FABP3: variants seen among roughly 807,000 people sequenced by gnomAD.
FABP3 encodes fatty acid-binding protein, heart.
FABP3 carries 8 observed loss-of-function variants against 13.4 expected under a neutral mutation model. That is an observed-to-expected ratio of 0.60 (90% confidence interval 0.35 to 1.07). The LOEUF (loss-of-function observed/expected upper bound fraction) is 1.07, where lower values mean the gene tolerates loss of function less well. Among genes scored for constraint, FABP3 ranks in the 50% least tolerant of loss-of-function variants. FABP3 has a pLI of 0.02. For synonymous variants in FABP3, 64 were observed against 60.0 expected (o/e 1.07, Z -0.31); for missense variants, 135 against 164.7 (o/e 0.82, Z 0.99).
chr1:31,365,161 T>C (rs781738500), downstream of FABP3, among the ~76,000 whole-genome samples: 1 of 151,736 alleles, frequency 6.6e-6, no homozygotes, highest in Non-Finnish European at 1.5e-5. Flanking sequence ...TCCCTCAGAG[T>C]TGATTAGAGA....
At chr1:31,372,633 C>T (rs1377200132) in intron 1 of FABP3, among the ~76,000 whole-genome samples, 1 of 152,164 alleles carries the variant, frequency 6.6e-6, no homozygotes, top group Non-Finnish European at 1.5e-5. Context: ...TGGCTACACT[C>T]CCTTTCCTGT....
chr1:31,362,746 C>T (rs59028483), downstream of FABP3, among the ~76,000 whole-genome samples: 879 of 152,230 alleles, frequency 5.8e-3, 69 homozygotes, highest in East Asian at 0.14. Flanking sequence ...TATTCTTTGA[C>T]CTTGGATATG....
chr1:31,365,230 G>A (rs1012193282), downstream of FABP3, among the ~76,000 whole-genome samples: 1 of 152,186 alleles, frequency 6.6e-6, no homozygotes, highest in Non-Finnish European at 1.5e-5. Flanking sequence ...CAGTCCTCTT[G>A]GCCAGTGGTC....
At chr1:31,362,630 C>T (rs1005931404), downstream of FABP3, among the ~76,000 whole-genome samples, 1 of 152,112 alleles carries the variant, frequency 6.6e-6, no homozygotes, top group Non-Finnish European at 1.5e-5. Flanking sequence ...GATGAATATT[C>T]AAGGGTAGCA....
Position 31,369,525 on chromosome 1 carries a change from T to C in FABP3, c.106A>G (p.Met36Val). Reference protein sequence around the residue: ...VGFATRQVASMTKPTTIIEKN... With the variant: ...VGFATRQVASVTKPTTIIEKN... Reference sequence around the variant, plus strand: ...TCGATGATTGTGGTAGGCTTGGTCATGCTGGCCACCTGCCTGGTAGCAAAA... The same window carrying C: ...TCGATGATTGTGGTAGGCTTGGTCACGCTGGCCACCTGCCTGGTAGCAAAA... Residue 36 changes from methionine to valine, a missense_variant, in exon 2 of 4, where the codon ATG becomes GTG. Coordinates refer to ENST00000373713, the MANE Select transcript of FABP3 (RefSeq NM_004102.5). The C allele has an allele frequency of 6.2e-7, 1 of 1,614,174 alleles. No individual in the cohort carries two copies. Among genetic ancestry groups the C allele is most frequent in the Non-Finnish European group, 8.5e-7 (1 of 1,180,030 alleles).
At chr1:31,361,849 T>C (rs150482869), downstream of FABP3, among the ~76,000 whole-genome samples, 45 of 152,194 alleles carry the variant, frequency 3.0e-4, no homozygotes, top group African/African-American at 1.1e-3. Context: ...TCTTGCTCAG[T>C]TGCCCAGCCT....
At position 31,365,794 on chromosome 1, in the gene FABP3, G is replaced by C. The variant is rs1640095925; in HGVS notation, c.*92C>G. 4 of 1,194,440 alleles carry C rather than the reference G, an allele frequency of 3.3e-6. No individual in the cohort carries two copies. The highest frequency in any genetic ancestry group is 4.9e-6 in the Non-Finnish European group (4 of 810,452). The allele number at this position is 1,194,440 out of a possible 1,614,324, so 74.0% of individuals were successfully genotyped here. On this transcript the variant is annotated 3_prime_UTR_variant, in exon 4 of 4. Transcript: ENST00000373713. Reference sequence around the variant, plus strand: ...TGACCCCAGAAGAATTCGTGGATTTGTACAAAATGCAGAGGAAGAAATGAG... The same window carrying C: ...TGACCCCAGAAGAATTCGTGGATTTCTACAAAATGCAGAGGAAGAAATGAG...
chr1:31,367,361 A>G, intron 3 of FABP3, 32 bp downstream of exon 3: 1 of 1,555,242 alleles, frequency 6.4e-7, no homozygotes, highest in Non-Finnish European at 8.9e-7. Context: ...GTAATAACCA[A>G]TCAGATATAG....
downstream of FABP3, chr1:31,364,294 C>A: frequency 6.9e-7 from 1 of 1,454,086 alleles, no homozygotes; most frequent in East Asian, 2.5e-5. Context: ...GCCTCCCACC[C>A]CATTAACTTC....
rs1397102771 is a variant in FABP3, at chr1:31,372,999, G to T, written c.16C>A (p.Leu6Met). 6.2e-7 allele frequency: 1 copy of T among 1,614,064 alleles called. No homozygotes were observed. Among genetic ancestry groups the T allele is most frequent in the Admixed American group, 1.7e-5 (1 of 60,034 alleles). MVDAFLGTWKLVDSKN... is the reference protein window; with the variant it reads MVDAFMGTWKLVDSKN... Reference sequence around the variant, plus strand: ...CTGTCCACTAGCTTCCAGGTGCCCAGGAAAGCGTCCACCATAGTGATGCTG... The same window carrying T: ...CTGTCCACTAGCTTCCAGGTGCCCATGAAAGCGTCCACCATAGTGATGCTG... Residue 6 changes from leucine (L) to methionine (M), a missense_variant, in exon 1 of 4, where the codon CTG becomes ATG. By Grantham distance (15) the Leu-to-Met change is conservative. Coordinates refer to ENST00000373713, the MANE Select transcript of FABP3 (RefSeq NM_004102.5).
At position 31,372,998 on chromosome 1, in the gene FABP3, A is replaced by G. The variant is rs751292345; in HGVS notation, c.17T>C (p.Leu6Pro). 61 of 1,614,084 alleles carry G rather than the reference A, an allele frequency of 3.8e-5. No individual in the cohort carries two copies. The highest frequency in any genetic ancestry group is 5.0e-5 in the Non-Finnish European group (59 of 1,180,036). The change falls in exon 1 of 4, where the codon CTG becomes CCG. Residue 6 changes from leucine to proline, a missense_variant. Transcript: ENST00000373713. ...GCTGTCCACTAGCTTCCAGGTGCCC[A>G]GGAAAGCGTCCACCATAGTGATGCT... Reference protein sequence around the residue: MVDAFLGTWKLVDSKN... With the variant: MVDAFPGTWKLVDSKN...
At chr1:31,366,062 ATGTGTGTGTGTGTGTG>A (rs3049341) in intron 3 of FABP3, 123 bp from the exon 4 acceptor site, 14 of 575,808 alleles carry the variant, frequency 2.4e-5, no homozygotes, top group Middle Eastern at 4.6e-4. Context: ...ATATGTATGT[ATGTGTGTGTGTGTGTG>A]TGTGTGTGTG....
At chr1:31,369,254 A>G in intron 2 of FABP3, 131 bp downstream of exon 2, 1 of 965,426 alleles carries the variant, frequency 1.0e-6, no homozygotes, top group Non-Finnish European at 1.6e-6. Flanking sequence ...GGCTTTATGA[A>G]TCTTGTTTCA....
chr1:31,360,248 A>G, the FABP3 span, among the ~76,000 whole-genome samples: 7 of 141,192 alleles, frequency 5.0e-5, no homozygotes, highest in African/African-American at 1.9e-4. Context: ...TGGCTCACCA[A>G]AACCTCCGCC....
chr1:31,370,643 A>C (rs1318028368), intron 1 of FABP3, among the ~76,000 whole-genome samples: 1 of 152,200 alleles, frequency 6.6e-6, no homozygotes, highest in Non-Finnish European at 1.5e-5. Flanking sequence ...CCTGACTCCC[A>C]GTCTAAGGCT....
chr1:31,370,103 C>CTAA (rs1553128249), intron 1 of FABP3, among the ~76,000 whole-genome samples: 69 of 139,096 alleles, frequency 5.0e-4, no homozygotes, highest in African/African-American at 1.7e-3. Flanking sequence ...GATTCCACCT[C>CTAA]AAAAAAAAAA....
At chr1:31,366,062 ATGTGTGTGTGTG>A (rs3049341) in intron 3 of FABP3, 123 bp from the exon 4 acceptor site, 30,402 of 550,246 alleles carry the variant, frequency 0.055, 10 homozygotes, top group Middle Eastern at 0.077. Context: ...ATATGTATGT[ATGTGTGTGTGTG>A]TGTGTGTGTG....
At chr1:31,366,445 A>C (rs1640114912) in intron 3 of FABP3, among the ~76,000 whole-genome samples, 1 of 152,136 alleles carries the variant, frequency 6.6e-6, no homozygotes, top group Admixed American at 6.5e-5. Flanking sequence ...CCATGGCCTC[A>C]CCATAGTTCA....
At chr1:31,370,913 A>C (rs1406019072) in intron 1 of FABP3, among the ~76,000 whole-genome samples, 1 of 152,224 alleles carries the variant, frequency 6.6e-6, no homozygotes, top group Non-Finnish European at 1.5e-5. Context: ...CATGCCCTAC[A>C]TGGGTTGTTT....
Sources: allele counts gnomAD v4.1 joint callset (sites outside exome capture counted in the v4.1 genomes callset), GRCh38; gene constraint gnomAD v4.1.1; transcripts MANE v1.5; gene names NCBI Gene and HGNC (gene_info 2026-07-23, HGNC 2026-07-21).